The following EP400 variants were observed in gnomAD, a reference collection of about 807,000 sequenced individuals.
The protein encoded by EP400 is E1A-binding protein p400.
EP400 carries 105 observed loss-of-function variants against 354.1 expected under a neutral mutation model. That is an observed-to-expected ratio of 0.30 (90% CI 0.25 to 0.35). The LOEUF is 0.35. EP400 is among the 10% of genes least tolerant of loss of function. The pLI, the probability that EP400 is intolerant of heterozygous loss-of-function variation, is 1.00. For missense variants in EP400, 3,280 were observed against 4,121.0 expected (o/e 0.80, Z 5.59); for synonymous variants, 1,646 against 1,716.9 (o/e 0.96, Z 1.02).
At chr12:131,955,496 G>A (rs1891665003) in intron 1 of EP400, among the ~76,000 whole-genome samples, 1 of 152,058 alleles carries the variant, frequency 6.6e-6, no homozygotes, top group Non-Finnish European at 1.5e-5. Flanking sequence ...TGGTCAGGCT[G>A]GTCTTGAACT....
intron 39 of EP400, among the ~76,000 whole-genome samples, chr12:132,048,812 A>G (rs962339052): frequency 6.6e-6 from 1 of 152,228 alleles, no homozygotes; most frequent in Middle Eastern, 3.4e-3. Context: ...GGCCTCCCAA[A>G]GTGTTGGGAT....
rs765915897 is a variant in EP400 at position 131,960,869 on chromosome 12, G to C, written c.250G>C (p.Gly84Arg). The C allele has an allele frequency of 6.8e-6, 11 of 1,613,968 alleles. No individual in the cohort carries two copies. Among genetic ancestry groups the C allele is most frequent in the Admixed American group, 6.7e-5 (4 of 60,014 alleles). ...CCTGCAGAGCGTGGGCCCTGTCGTC[G>C]GGGGAAACCAGCAGATCACACTGGC... Reference protein sequence around the residue: ...ITLQSVGPVVGGNQQITLAPL... With the variant: ...ITLQSVGPVVRGNQQITLAPL... The change falls in exon 2 of 53, where the codon GGG (glycine) becomes CGG (arginine). Residue 84 changes from glycine (G) to arginine (R), a missense_variant. Gly to Arg is a moderately radical substitution (Grantham distance 125). This residue lies in a region of EP400 where 172 missense variants were observed against 242.9 expected (regional missense o/e 0.71). Transcript: ENST00000389561.
Position 132,006,887 on chromosome 12 carries a change from T to C in EP400, c.3304+10T>C. Reference sequence around the variant, plus strand: ...CTAGCTTGTAACGAAGGTAAGAGTTTGCTAGTTTTTTTAACAATACCTATT... The same window carrying C: ...CTAGCTTGTAACGAAGGTAAGAGTTCGCTAGTTTTTTTAACAATACCTATT... On this transcript the variant is annotated intron_variant, in intron 15 of 52. Transcript: ENST00000389561. 2 of 1,613,728 alleles carry C rather than the reference T, an allele frequency of 1.2e-6. No homozygotes were observed. The highest frequency in any genetic ancestry group is 1.7e-6 in the Non-Finnish European group (2 of 1,179,914).
chr12:131,964,000 A>C (rs1175875942), intron 2 of EP400, among the ~76,000 whole-genome samples: 1 of 152,202 alleles, frequency 6.6e-6, no homozygotes, highest in African/African-American at 2.4e-5. Flanking sequence ...AAACAGAATA[A>C]GAAAAAAAAG....
chr12:131,982,438 A>G lies in EP400; in HGVS notation c.1889A>G (p.Lys630Arg). 6 of 1,613,292 alleles carry G rather than the reference A, an allele frequency of 3.7e-6. No homozygotes were observed. Among genetic ancestry groups the G allele is most frequent in the Non-Finnish European group, 5.1e-6 (6 of 1,179,310 alleles). The part of the protein sequence containing the change: ...QLALHVPTPG[K>R]VQVQASQLSS... ...GCCCTCCACGTTCCCACACCTGGAAAGGTGCAGGTGCAGGCCTCTCAGCTT... is the reference window on the plus strand; with the variant it reads ...GCCCTCCACGTTCCCACACCTGGAAGGGTGCAGGTGCAGGCCTCTCAGCTT... Residue 630 changes from lysine (K) to arginine (R), a missense_variant, in exon 5 of 53, where the codon AAG (lysine) becomes AGG (arginine). This residue lies in a region of EP400 where 800 missense variants were observed against 840.0 expected (regional missense o/e 0.95). Coordinates refer to ENST00000389561, the MANE Select transcript of EP400 (RefSeq NM_015409.5).
chr12:132,035,510 C>T (rs1023964796), intron 30 of EP400, among the ~76,000 whole-genome samples: 1 of 152,252 alleles, frequency 6.6e-6, no homozygotes, highest in Non-Finnish European at 1.5e-5. Flanking sequence ...GTACATGGAG[C>T]ATCGTGGAAG....
At chr12:131,970,431 A>C (rs1373017970) in intron 2 of EP400, among the ~76,000 whole-genome samples, 3 of 152,226 alleles carry the variant, frequency 2.0e-5, no homozygotes. Context: ...AGCAGAGAGC[A>C]TACTCTGACC....
At chr12:131,982,544 G>C in intron 5 of EP400, 66 bp downstream of exon 5, 1 of 1,525,120 alleles carries the variant, frequency 6.6e-7, no homozygotes, top group Non-Finnish European at 8.8e-7. Context: ...CTGTGTGTTA[G>C]ACAGAGTGTC....
Position 131,989,506 on chromosome 12 carries a change from G to C in EP400, c.2410-458G>C, listed in dbSNP as rs773390837. On this transcript the variant is annotated intron_variant, in intron 7 of 52. Transcript: ENST00000389561. Reference sequence around the variant, plus strand: ...CTCTCCACCCATTTGAGGTTCTGTTGGTGGGTATGTGAAGTGTCTAAACTT... The same window carrying C: ...CTCTCCACCCATTTGAGGTTCTGTTCGTGGGTATGTGAAGTGTCTAAACTT... Among the ~76,000 whole-genome samples the C allele has an allele frequency of 6.4e-4, 97 of 152,324 alleles. 1 individual carries two copies. Among genetic ancestry groups the C allele is most frequent in the Non-Finnish European group, 8.2e-4 (56 of 68,036 alleles).
intron 15 of EP400, 71 bp downstream of exon 15, chr12:132,006,948 G>C (rs1424494368): frequency 8.4e-6 from 13 of 1,545,318 alleles, no homozygotes; most frequent in Non-Finnish European, 1.1e-5. Context: ...GTGTTTGATG[G>C]GAGTGTGGGG....
In EP400 at chr12:132,045,304, T is replaced by C. The variant is rs370293420; in HGVS notation, c.6785-15T>C. On this transcript the variant is annotated splice_polypyrimidine_tract_variant and intron_variant, in intron 37 of 52. Coordinates refer to ENST00000389561, the MANE Select transcript of EP400 (RefSeq NM_015409.5). ...CCTGGTTTACTCTCTTGCTGAAGACTGCCTCTCTGTTCAGCTGCAGGCAGG... is the reference window on the plus strand; with the variant it reads ...CCTGGTTTACTCTCTTGCTGAAGACCGCCTCTCTGTTCAGCTGCAGGCAGG... 24 of 1,613,618 alleles carry C rather than the reference T, an allele frequency of 1.5e-5. No homozygotes were observed. In the East Asian group the frequency reaches 1.8e-4, roughly 12 times the overall value.
intron 2 of EP400, among the ~76,000 whole-genome samples, chr12:131,974,222 G>A (rs1892391533): frequency 2.0e-5 from 3 of 151,796 alleles, no homozygotes; most frequent in South Asian, 4.2e-4. Flanking sequence ...CAGGTAATCC[G>A]CCTACCTCAG....
chr12:131,954,350 A>G (rs942894597), intron 1 of EP400, among the ~76,000 whole-genome samples: 1 of 150,978 alleles, frequency 6.6e-6, no homozygotes, highest in Non-Finnish European at 1.5e-5. Context: ...ACTTTGGGAG[A>G]TTAAGGCAGG....
At chr12:132,076,707 A>G (rs1896249600) in intron 52 of EP400, 114 bp downstream of exon 52, 4 of 947,370 alleles carry the variant, frequency 4.2e-6, no homozygotes, top group African/African-American at 3.3e-5. Context: ...ACACACAAAA[A>G]CATTAACTTC....
intron 51 of EP400, chr12:132,076,264 C>T (rs1278563069): frequency 2.0e-6 from 1 of 500,200 alleles, no homozygotes; most frequent in African/African-American, 2.0e-5. Flanking sequence ...AAAAATGTGT[C>T]TGAAATATGA....
chr12:132,039,678 T>C (rs1166925962), intron 32 of EP400, among the ~76,000 whole-genome samples: 3 of 152,218 alleles, frequency 2.0e-5, no homozygotes, highest in Non-Finnish European at 4.4e-5. Flanking sequence ...TGAGGAGGTA[T>C]GGATCAACCT....
chr12:131,969,454 T>C (rs753342167), intron 2 of EP400, among the ~76,000 whole-genome samples: 6 of 152,204 alleles, frequency 3.9e-5, no homozygotes, highest in Non-Finnish European at 5.9e-5. Context: ...AGTCATTTAC[T>C]GCCCAGCCCC....
Position 132,029,639 on chromosome 12 carries a change from C to G in EP400, c.5382-62C>G. On this transcript the variant is annotated intron_variant, in intron 27 of 52. Coordinates refer to ENST00000389561, the MANE Select transcript of EP400 (RefSeq NM_015409.5). The surrounding 1 kb of genome is among the most constrained non-coding windows in gnomAD (Gnocchi z 4.7). ...GAAGTCTGCCCCATCTTTCAGGAGC[C>G]CCCATGCTGGGTGAAGGTGTGTGGC... is the stretch of plus-strand genomic sequence containing the variant. 1.3e-6 allele frequency: 2 copies of G among 1,553,050 alleles called. No homozygotes were observed. The highest frequency in any genetic ancestry group is 2.3e-5 in the South Asian group (2 of 87,070).
chr12:132,042,026 A>AC (rs1894929827), intron 32 of EP400, among the ~76,000 whole-genome samples: 1 of 146,222 alleles, frequency 6.8e-6, no homozygotes, highest in Non-Finnish European at 1.5e-5. Flanking sequence ...ATCTCAGCTC[A>AC]CTGCAACCTC....
Sources: allele counts gnomAD v4.1 joint callset (sites outside exome capture counted in the v4.1 genomes callset), GRCh38; gene constraint gnomAD v4.1.1; regional missense constraint gnomAD v4.1.1; non-coding constraint Gnocchi (gnomAD v3.1); transcripts MANE v1.5; gene names NCBI Gene and HGNC (gene_info 2026-07-23, HGNC 2026-07-21).